CSNK1G1: variants seen among roughly 807,000 people sequenced by gnomAD.
CSNK1G1 encodes casein kinase I isoform gamma-1.
In CSNK1G1, 22 loss-of-function variants were observed where a neutral mutation model predicts 59.6. The observed-to-expected ratio is 0.37, with a 90% CI of 0.26 to 0.53. The LOEUF is 0.53. CSNK1G1 is among the 20% of genes least tolerant of loss of function. CSNK1G1 has a pLI of 0.89. For missense variants in CSNK1G1, 384 were observed against 519.5 expected (o/e 0.74, Z 2.54); for synonymous variants, 179 against 177.1 (o/e 1.01, Z -0.08).
chr15:64,325,282 C>T (rs895755475), intron 1 of CSNK1G1, among the ~76,000 whole-genome samples: 1 of 152,154 alleles, frequency 6.6e-6, no homozygotes, highest in African/African-American at 2.4e-5. Flanking sequence ...TCATAAGCAG[C>T]ATAGCAGGCA....
chr15:64,277,567 ATAT>A (rs1893713995), intron 2 of CSNK1G1, among the ~76,000 whole-genome samples: 2 of 132,184 alleles, frequency 1.5e-5, no homozygotes, highest in South Asian at 4.8e-4. Flanking sequence ...ATAAAATTTA[ATAT>A]AATAAATATA....
chr15:64,309,972 G>A (rs1244316529), intron 1 of CSNK1G1, among the ~76,000 whole-genome samples: 1 of 150,476 alleles, frequency 6.6e-6, no homozygotes, highest in Non-Finnish European at 1.5e-5. Flanking sequence ...TTTTAAATTA[G>A]CAGGGTGGCA....
Position 64,216,771 on chromosome 15 carries a change from G to A in CSNK1G1, c.293-58C>T, listed in dbSNP as rs535642688. 6.8e-7 allele frequency: 1 copy of A among 1,469,752 alleles called. No homozygotes were observed. The highest frequency in any genetic ancestry group is 9.5e-7 in the Non-Finnish European group (1 of 1,057,142). The allele number at this position is 1,469,752 out of a possible 1,614,324, so 91.0% of individuals were successfully genotyped here. Reference sequence around the variant, plus strand: ...GGGAGACACAAAAGCCAAAATATGAGATAACAGTATTAGCACTGAATAAAA... The same window carrying A: ...GGGAGACACAAAAGCCAAAATATGAAATAACAGTATTAGCACTGAATAAAA... On this transcript the variant is annotated intron_variant, in intron 4 of 11. Transcript: ENST00000303052. The surrounding 1 kb of genome is among the most constrained non-coding windows in gnomAD (Gnocchi z 4.6).
intron 1 of CSNK1G1, among the ~76,000 whole-genome samples, chr15:64,325,827 C>A (rs1031430962): frequency 3.9e-5 from 6 of 152,160 alleles, no homozygotes; most frequent in Admixed American, 2.6e-4. Context: ...TGGCCTAATA[C>A]TACACAGCTA....
chr15:64,165,994 T>C lies in CSNK1G1; in HGVS notation c.*5937A>G, dbSNP rs368506081. The C allele has an allele frequency of 2.6e-5, 18 of 679,542 alleles. No homozygotes were observed. Among genetic ancestry groups the C allele is most frequent in the East Asian group, 1.7e-4 (6 of 36,288 alleles). The allele number at this position is 679,542 out of a possible 1,614,324, so 42.1% of individuals were successfully genotyped here. ...GGAACCATTTCAAATACACTTGAAA[T>C]TGACATTCATGTTTAAAAATACTAC... On this transcript the variant is annotated 3_prime_UTR_variant, in exon 12 of 12. Coordinates refer to ENST00000303052, the MANE Select transcript of CSNK1G1 (RefSeq NM_022048.5).
intron 2 of CSNK1G1, among the ~76,000 whole-genome samples, chr15:64,269,019 C>A (rs908447488): frequency 6.6e-6 from 1 of 152,038 alleles, no homozygotes; most frequent in Non-Finnish European, 1.5e-5. Context: ...AACATTTATT[C>A]CTTGATTTTA....
chr15:64,184,634 G>A (rs925697284), intron 10 of CSNK1G1, among the ~76,000 whole-genome samples: 1 of 147,376 alleles, frequency 6.8e-6, no homozygotes, highest in African/African-American at 2.5e-5. Flanking sequence ...CCAAGATCAT[G>A]CCACTGCACC....
intron 1 of CSNK1G1, among the ~76,000 whole-genome samples, chr15:64,316,455 G>C (rs1896267992): frequency 6.9e-6 from 1 of 144,176 alleles, no homozygotes; most frequent in Admixed American, 7.3e-5. Flanking sequence ...AGAATCAATG[G>C]AACTCAGGAG....
chr15:64,238,512 AAAAAAAATATATATATAT>A (rs1291908702), intron 4 of CSNK1G1, among the ~76,000 whole-genome samples: 5 of 114,118 alleles, frequency 4.4e-5, no homozygotes, highest in African/African-American at 1.7e-4. Context: ...AAAAAAAAAA[AAAAAAAATATATATATAT>A]ATATATATAT....
chr15:64,303,646 G>A (rs1332349462), intron 1 of CSNK1G1, among the ~76,000 whole-genome samples: 1 of 151,996 alleles, frequency 6.6e-6, no homozygotes, highest in African/African-American at 2.4e-5. Context: ...CAGCTACTTG[G>A]GAGGCTGAGG....
intron 1 of CSNK1G1, among the ~76,000 whole-genome samples, chr15:64,330,751 C>G (rs1410826235): frequency 1.7e-5 from 1 of 58,534 alleles, no homozygotes; most frequent in Non-Finnish European, 3.4e-5. Flanking sequence ...TGTTTGCAGA[C>G]GACATGATTG....
At position 64,166,617 on chromosome 15, in the gene CSNK1G1, A is replaced by G. The variant is rs1032491503; in HGVS notation, c.*5314T>C. 1 of 152,748 alleles carries G rather than the reference A, an allele frequency of 6.5e-6. No individual in the cohort carries two copies. The highest frequency in any genetic ancestry group is 1.5e-5 in the Non-Finnish European group (1 of 68,108). The allele number at this position is 152,748 out of a possible 1,614,324, so 9.5% of individuals were successfully genotyped here. On this transcript the variant is annotated 3_prime_UTR_variant, in exon 12 of 12. Transcript: ENST00000303052. The surrounding 1 kb of genome is among the most constrained non-coding windows in gnomAD (Gnocchi z 4.5). ...TCCATCTGTAAATATATTTCTCCCCAAAGAAATGGCTCATCTTTCCTGAGA... is the reference window on the plus strand; with the variant it reads ...TCCATCTGTAAATATATTTCTCCCCGAAGAAATGGCTCATCTTTCCTGAGA...
intron 10 of CSNK1G1, among the ~76,000 whole-genome samples, chr15:64,194,517 CTT>C (rs374224209): frequency 1.7e-4 from 22 of 128,276 alleles, no homozygotes; most frequent in Admixed American, 2.4e-4. Flanking sequence ...CTTTTCTTTT[CTT>C]TTTTTTTTTT....
intron 1 of CSNK1G1, among the ~76,000 whole-genome samples, chr15:64,328,312 TA>T (rs1896955799): frequency 1.4e-5 from 2 of 139,274 alleles, no homozygotes; most frequent in Admixed American, 7.4e-5. Flanking sequence ...CCCATCAGAC[TA>T]ACAGCGGATC....
intron 1 of CSNK1G1, among the ~76,000 whole-genome samples, chr15:64,303,074 C>T (rs2140407110): frequency 6.6e-6 from 1 of 151,712 alleles, no homozygotes; most frequent in East Asian, 1.9e-4. Flanking sequence ...AGGTTAAAAA[C>T]CCATAGAAGC....
In CSNK1G1 at chr15:64,166,559, C is replaced by CCACA. The variant is rs367927993; in HGVS notation, c.*5368_*5371dup. On this transcript the variant is annotated 3_prime_UTR_variant, in exon 12 of 12. Transcript: ENST00000303052. This position sits in a 1 kb window ranked among gnomAD's most constrained non-coding sequence, Gnocchi z 4.5. ...ACACGCACTCACGTGCGCACACACA[C>CCACA]CACACACACACACAGACACGCAGTC... 3 of 152,290 alleles carry CCACA rather than the reference C, an allele frequency of 2.0e-5. No individual in the cohort carries two copies. The highest frequency in any genetic ancestry group is 2.1e-4 in the South Asian group (1 of 4,800). The allele number at this position is 152,290 out of a possible 1,614,324, so 9.4% of individuals were successfully genotyped here. A position where few individuals can be genotyped will look rare whatever the true frequency, so the allele number is the denominator to read the frequency against.
intron 2 of CSNK1G1, among the ~76,000 whole-genome samples, chr15:64,270,594 C>T (rs534936788): frequency 6.6e-6 from 1 of 151,990 alleles, no homozygotes; most frequent in Non-Finnish European, 1.5e-5. Context: ...CCCGTCTCTA[C>T]TAAAAATACA....
chr15:64,230,196 C>G (rs2082528032), intron 4 of CSNK1G1, among the ~76,000 whole-genome samples: 1 of 151,934 alleles, frequency 6.6e-6, no homozygotes, highest in Non-Finnish European at 1.5e-5. Flanking sequence ...CCACCATGCC[C>G]TGCCCGGTAA....
chr15:64,342,866 A>G (rs1340731530), intron 1 of CSNK1G1, among the ~76,000 whole-genome samples: 2 of 152,206 alleles, frequency 1.3e-5, no homozygotes, highest in African/African-American at 2.4e-5. Flanking sequence ...GTTAAAATAC[A>G]GATTGCTGGA....
Sources: allele counts gnomAD v4.1 joint callset (sites outside exome capture counted in the v4.1 genomes callset), GRCh38; gene constraint gnomAD v4.1.1; non-coding constraint Gnocchi (gnomAD v3.1); transcripts MANE v1.5; gene names NCBI Gene and HGNC (gene_info 2026-07-23, HGNC 2026-07-21).